The following USH2A variants were observed in gnomAD, a reference collection of about 807,000 sequenced individuals.
The protein encoded by USH2A is Usher syndrome 2A (autosomal recessive, mild).
A neutral mutation model predicts 538.9 loss-of-function variants in USH2A; 443 were observed. The observed-to-expected ratio is 0.82, with a 90% CI of 0.76 to 0.89. The LOEUF (loss-of-function observed/expected upper bound fraction) is 0.89, where lower values mean the gene tolerates loss of function less well. USH2A is among the 40% of genes least tolerant of loss of function. The pLI is 0.00. For synonymous variants in USH2A, 2,413 were observed against 2,273.5 expected (o/e 1.06, Z -1.75); for missense variants, 6,633 against 6,324.8 (o/e 1.05, Z -1.65).
intron 12 of USH2A, among the ~76,000 whole-genome samples, chr1:216,250,180 C>A (rs1571621855): frequency 6.6e-6 from 1 of 152,060 alleles, no homozygotes; most frequent in East Asian, 1.9e-4. Context: ...GGTGGTTCCC[C>A]TCAAAAATGT....
rs1383328052 is a variant in USH2A at position 216,250,910 on chromosome 1, G to C, written c.2160C>G (p.Asn720Lys). ...QNSGQCKCKA[N>K]VIGLRCDHCN... is the part of the protein sequence containing the mutation. The stretch of plus-strand genomic sequence containing the variant: ...CTTTTGCGTTACACGTACCAATAAC[G>C]TTTGCTTTGCACTTGCACTGGCCTG... The change falls in exon 12 of 72, where the codon AAC becomes AAG. Residue 720 changes from asparagine (N) to lysine (K), a missense_variant. Transcript: ENST00000307340. 6.2e-7 allele frequency: 1 copy of C among 1,613,858 alleles called. No individual in the cohort carries two copies. Among genetic ancestry groups the C allele is most frequent in the Non-Finnish European group, 8.5e-7 (1 of 1,179,924 alleles).
intron 21 of USH2A, among the ~76,000 whole-genome samples, chr1:216,154,905 T>G (rs1482244822): frequency 6.6e-6 from 1 of 151,184 alleles, no homozygotes. Context: ...GCCAGCCTTT[T>G]GTATGTACAA....
intron 11 of USH2A, among the ~76,000 whole-genome samples, chr1:216,251,844 T>C (rs2036169899): frequency 6.6e-6 from 1 of 152,212 alleles, no homozygotes; most frequent in Non-Finnish European, 1.5e-5. Context: ...AATGATATAA[T>C]GATATCATCC....
chr1:216,261,793 C>T (rs751485277), intron 11 of USH2A, among the ~76,000 whole-genome samples: 3 of 152,112 alleles, frequency 2.0e-5, no homozygotes, highest in African/African-American at 4.8e-5. Context: ...AAACAGCCCA[C>T]GGCTTCACCC....
At position 215,990,642 on chromosome 1, in the gene USH2A, C is replaced by T. The variant is rs138801443; in HGVS notation, c.6805+2378G>A. The stretch of plus-strand genomic sequence containing the variant: ...GAGAAGAGGGAAAGTTTACTTTAAA[C>T]TTAAGGAAGAGTAGAATGATTTCAT... On this transcript the variant is annotated intron_variant, in intron 35 of 71. Transcript: ENST00000307340. 5.3e-5 allele frequency among the ~76,000 whole-genome samples: 8 copies of T among 151,666 alleles called. No homozygotes were observed. In the East Asian group the frequency reaches 1.6e-3, roughly 30 times the overall value.
chr1:215,761,995 A>C (rs1248055398), intron 56 of USH2A, among the ~76,000 whole-genome samples: 1 of 152,208 alleles, frequency 6.6e-6, no homozygotes, highest in African/African-American at 2.4e-5. Flanking sequence ...GAAGAACAAA[A>C]TGCAATTTAT....
At chr1:215,934,888 G>A in intron 37 of USH2A, 93 bp from the exon 38 acceptor site, 1 of 1,201,190 alleles carries the variant, frequency 8.3e-7, no homozygotes, top group Non-Finnish European at 1.2e-6. Flanking sequence ...TAAATATACT[G>A]TACCAAATAG....
At chr1:216,304,570 T>A (rs544148878) in intron 9 of USH2A, among the ~76,000 whole-genome samples, 148 of 152,112 alleles carry the variant, frequency 9.7e-4, no homozygotes, top group African/African-American at 3.5e-3. Flanking sequence ...TGGGTTTGGT[T>A]TTTGTTTCTC....
chr1:216,014,139 A>T (rs1668646456), intron 32 of USH2A, among the ~76,000 whole-genome samples: 1 of 152,072 alleles, frequency 6.6e-6, no homozygotes, highest in Non-Finnish European at 1.5e-5. Flanking sequence ...AGAAAGTTGC[A>T]CGGTGATCTG....
intron 44 of USH2A, among the ~76,000 whole-genome samples, chr1:215,850,819 A>G (rs1276237436): frequency 6.6e-6 from 1 of 152,220 alleles, no homozygotes; most frequent in Non-Finnish European, 1.5e-5. Context: ...AACAAATTTA[A>G]GAAAATTAAA....
intron 30 of USH2A, among the ~76,000 whole-genome samples, chr1:216,057,293 C>A (rs1373971042): frequency 6.6e-6 from 1 of 152,138 alleles, no homozygotes; most frequent in Non-Finnish European, 1.5e-5. Flanking sequence ...AACATTACAT[C>A]ATTTCTATTT....
At chr1:216,334,966 A>G (rs186315166) in intron 4 of USH2A, among the ~76,000 whole-genome samples, 3 of 151,940 alleles carry the variant, frequency 2.0e-5, no homozygotes, top group South Asian at 2.1e-4. Flanking sequence ...ATAGACACCA[A>G]CAGAACACTC....
chr1:216,349,218 C>G (rs900699298), intron 4 of USH2A, among the ~76,000 whole-genome samples: 1 of 152,020 alleles, frequency 6.6e-6, no homozygotes, highest in Admixed American at 6.6e-5. Context: ...ACAAGAGACC[C>G]TAATTGTTAG....
intron 4 of USH2A, among the ~76,000 whole-genome samples, chr1:216,328,633 T>G (rs1345226146): frequency 6.6e-6 from 1 of 152,084 alleles, no homozygotes; most frequent in Non-Finnish European, 1.5e-5. Flanking sequence ...ATTTATGTTT[T>G]CTGCTGCTCC....
intron 70 of USH2A, among the ~76,000 whole-genome samples, chr1:215,629,324 G>A (rs1656180461): frequency 6.6e-6 from 1 of 152,226 alleles, no homozygotes; most frequent in Admixed American, 6.5e-5. Flanking sequence ...TGCTCTGGCT[G>A]TTGTTCCCTG....
chr1:216,153,415 G>A (rs150801632), intron 21 of USH2A, among the ~76,000 whole-genome samples: 46 of 152,200 alleles, frequency 3.0e-4, no homozygotes, highest in African/African-American at 6.7e-4. Context: ...AGTGCAAGGC[G>A]GTCAAGCAGA....
intron 61 of USH2A, among the ~76,000 whole-genome samples, chr1:215,684,817 C>T (rs963706095): frequency 5.3e-5 from 8 of 152,154 alleles, no homozygotes; most frequent in South Asian, 2.1e-4. Context: ...TGCATCCCAA[C>T]CAAGTCACGG....
At chr1:216,009,391 A>G (rs550941632) in intron 32 of USH2A, among the ~76,000 whole-genome samples, 13 of 152,206 alleles carry the variant, frequency 8.5e-5, no homozygotes, top group African/African-American at 3.1e-4. Flanking sequence ...CCACAATACA[A>G]ACTCAACAGT....
intron 11 of USH2A, among the ~76,000 whole-genome samples, chr1:216,284,382 C>T (rs2036842061): frequency 6.6e-6 from 1 of 152,132 alleles, no homozygotes; most frequent in Non-Finnish European, 1.5e-5. Flanking sequence ...AACTTTCCCC[C>T]ACCCTCACTT....
Sources: allele counts gnomAD v4.1 joint callset (sites outside exome capture counted in the v4.1 genomes callset), GRCh38; gene constraint gnomAD v4.1.1; transcripts MANE v1.5; gene names NCBI Gene and HGNC (gene_info 2026-07-23, HGNC 2026-07-21).